The following CCT2 variants were observed in gnomAD, a reference collection of about 807,000 sequenced individuals.
CCT2 encodes T-complex protein 1 subunit beta.
Under a neutral mutation model 61.8 loss-of-function variants are expected in CCT2, and 18 were observed. The observed-to-expected ratio is 0.29, with a 90% confidence interval of 0.20 to 0.43. CCT2 has a LOEUF of 0.43. Among genes scored for constraint, CCT2 ranks in the 20% least tolerant of loss-of-function variants. CCT2 has a pLI of 1.00. For synonymous variants in CCT2, 248 were observed against 215.9 expected (o/e 1.15, Z -1.30); for missense variants, 556 against 656.9 (o/e 0.85, Z 1.68).
At position 69,589,510 on chromosome 12, in the gene CCT2, G is replaced by C; in HGVS notation, c.472G>C (p.Asp158His). The C allele has an allele frequency of 1.9e-6, 3 of 1,614,048 alleles. No individual in the cohort carries two copies. The highest frequency in any genetic ancestry group is 2.5e-6 in the Non-Finnish European group (3 of 1,179,944). Residue 158 changes from aspartate to histidine, a missense_variant, in exon 7 of 16, where the codon GAT (aspartate) becomes CAT (histidine). Asp to His is a moderately conservative substitution (Grantham distance 81). Transcript: ENST00000299300. ...HGSDEVKFRQ[D>H]LMNIAGTTLS... Reference sequence around the variant, plus strand: ...TTCCGATGAAGTTAAATTCCGTCAAGATTTAATGAATATTGCGGGCACAAC... The same window carrying C: ...TTCCGATGAAGTTAAATTCCGTCAACATTTAATGAATATTGCGGGCACAAC...
chr12:69,585,870 A>T (rs987535935), intron 1 of CCT2: 2 of 1,296,856 alleles, frequency 1.5e-6, no homozygotes, highest in African/African-American at 1.5e-5. Context: ...GGTCTGAGCC[A>T]TCAGAGGGTG....
chr12:69,589,281 T>C (rs200518305), intron 6 of CCT2: 5 of 482,938 alleles, frequency 1.0e-5, no homozygotes, highest in Non-Finnish European at 1.7e-5. Context: ...CCCCCACCCC[T>C]CTTTTTTTTT....
intron 3 of CCT2, 90 bp downstream of exon 3, chr12:69,586,908 T>TACG: frequency 1.3e-6 from 1 of 785,184 alleles, no homozygotes; most frequent in Non-Finnish European, 2.0e-6. Flanking sequence ...TGCTTTTTAA[T>TACG]CTTTAAAACG....
chr12:69,597,587 T>C, intron 11 of CCT2, 51 bp from the exon 12 acceptor site: 1 of 1,592,352 alleles, frequency 6.3e-7, no homozygotes, highest in East Asian at 2.2e-5. Context: ...GCATAAATAA[T>C]AGAAGGCAAA....
At chr12:69,585,597 T>A in intron 1 of CCT2, 73 bp downstream of exon 1, 2 of 1,551,836 alleles carry the variant, frequency 1.3e-6, no homozygotes, top group Non-Finnish European at 1.7e-6. Context: ...GCTTCCTCTG[T>A]CCTGCTAGGG....
At chr12:69,586,491 A>G in intron 2 of CCT2, 147 bp downstream of exon 2, 1 of 663,216 alleles carries the variant, frequency 1.5e-6, no homozygotes, top group Non-Finnish European at 2.6e-6. Context: ...AACATGGTAA[A>G]ACCCCGTTTC....
chr12:69,585,981 C>T (rs1244131800), intron 1 of CCT2: 4 of 1,318,342 alleles, frequency 3.0e-6, no homozygotes, highest in East Asian at 3.3e-5. Flanking sequence ...CTGCCTCATT[C>T]TTAGTTCAAG....
intron 6 of CCT2, 196 bp downstream of exon 6, chr12:69,588,458 A>G (rs909550186): frequency 4.1e-5 from 22 of 536,716 alleles, no homozygotes; most frequent in Non-Finnish European, 6.9e-5. Context: ...CTTTTTGTAT[A>G]TATCATCAAA....
At position 69,593,497 on chromosome 12, in the gene CCT2, A is replaced by G. The variant is rs1881898211; in HGVS notation, c.879-13A>G. On this transcript the variant is annotated splice_polypyrimidine_tract_variant and intron_variant, in intron 9 of 15. Coordinates refer to ENST00000299300, the MANE Select transcript of CCT2 (RefSeq NM_006431.3). ...AGTTGTGAGCATAATGTTTTCATGT[A>G]TTTTATTTACAGGCAATTAATTTAT... 2 of 1,539,868 alleles carry G rather than the reference A, an allele frequency of 1.3e-6. No homozygotes were observed. Among genetic ancestry groups the G allele is most frequent in the Non-Finnish European group, 1.8e-6 (2 of 1,116,498 alleles).
intron 9 of CCT2, 94 bp from the exon 10 acceptor site, chr12:69,593,416 T>C: frequency 1.2e-6 from 1 of 811,586 alleles, no homozygotes; most frequent in Non-Finnish European, 1.9e-6. Flanking sequence ...GCATTTCTTT[T>C]ACTTGTGGTA....
chr12:69,597,838 T>C (rs1431175001), intron 12 of CCT2, 72 bp downstream of exon 12: 18 of 1,477,854 alleles, frequency 1.2e-5, no homozygotes, highest in Admixed American at 1.2e-4. Context: ...GTGGTTTTAA[T>C]GGTTCTTACA....
At chr12:69,590,161 G>A (rs936304795) in intron 7 of CCT2, among the ~76,000 whole-genome samples, 1 of 152,162 alleles carries the variant, frequency 6.6e-6, no homozygotes, top group Non-Finnish European at 1.5e-5. Context: ...TTGCACATGT[G>A]CAACCGAACG....
At chr12:69,595,136 TA>T (rs1046692878) in intron 10 of CCT2, among the ~76,000 whole-genome samples, 44 of 152,240 alleles carry the variant, frequency 2.9e-4, no homozygotes, top group African/African-American at 1.0e-3. Context: ...CCATGAATAT[TA>T]GAAGAAATTA....
rs1881654285 is a variant in CCT2 at position 69,586,307 on chromosome 12, C to A, written c.41C>A (p.Ala14Glu). Residue 14 changes from alanine to glutamate, a missense_variant, in exon 2 of 16, where the codon GCA becomes GAA. Coordinates refer to ENST00000299300, the MANE Select transcript of CCT2 (RefSeq NM_006431.3). Reference protein sequence around the residue: ...LSLAPVNIFKAGADEERAETA... With the variant: ...LSLAPVNIFKEGADEERAETA... ...CTTGCACCTGTTAACATCTTTAAGG[C>A]AGGAGCTGATGAAGAGAGAGCAGAG... The A allele has an allele frequency of 1.2e-6, 2 of 1,613,490 alleles. No individual in the cohort carries two copies. Among genetic ancestry groups the A allele is most frequent in the South Asian group, 1.1e-5 (1 of 91,074 alleles).
intron 6 of CCT2, chr12:69,588,576 A>G (rs1881736718): frequency 9.0e-6 from 2 of 223,414 alleles, no homozygotes; most frequent in South Asian, 1.8e-4. Context: ...TCTGTGCAGT[A>G]TTTTAATAGA....
chr12:69,595,613 G>T (rs1881963555), intron 10 of CCT2, among the ~76,000 whole-genome samples: 1 of 151,608 alleles, frequency 6.6e-6, no homozygotes, highest in Non-Finnish European at 1.5e-5. Context: ...ACTTGAACCC[G>T]GGAGGTGGAG....
In CCT2 at chr12:69,597,770, A is replaced by C. The variant is rs1882033678; in HGVS notation, c.1231+4A>C. On this transcript the variant is annotated splice_donor_region_variant and intron_variant, in intron 12 of 15. Transcript: ENST00000299300. ...TCTAGAACAGTTTATGGAGGAGGTA[A>C]GCATTTAGAAAATGTTGAATATATT... 6.2e-7 allele frequency: 1 copy of C among 1,605,504 alleles called. No individual in the cohort carries two copies. Among genetic ancestry groups the C allele is most frequent in the African/African-American group, 1.3e-5 (1 of 74,542 alleles).
intron 1 of CCT2, 24 bp from the exon 2 acceptor site, chr12:69,586,246 A>G (rs761378029): frequency 1.0e-5 from 16 of 1,570,778 alleles, no homozygotes; most frequent in Non-Finnish European, 8.8e-6. Context: ...CTTAAACGGA[A>G]TGCCTCTTGG....
Position 69,586,051 on chromosome 12 carries a change from CG to C in CCT2, c.4-214del, listed in dbSNP as rs149925318. 5,326 of 1,381,920 alleles carry C rather than the reference CG, an allele frequency of 3.9e-3. 184 individuals are homozygous for C. In the African/African-American group the frequency reaches 0.069, roughly 18 times the overall value. 85.6% of individuals were successfully genotyped at this position (1,381,920 alleles called of 1,614,324 possible). A position where few individuals can be genotyped will look rare whatever the true frequency, so the allele number is the denominator to read the frequency against. On this transcript the variant is annotated intron_variant, in intron 1 of 15. Coordinates refer to ENST00000299300, the MANE Select transcript of CCT2 (RefSeq NM_006431.3). ...CTCGCTGGTGTATAATTTATACTCC[CG>C]GGGGCCTTGTAAATCCGAAAAGCCA...
Sources: allele counts gnomAD v4.1 joint callset (sites outside exome capture counted in the v4.1 genomes callset), GRCh38; gene constraint gnomAD v4.1.1; transcripts MANE v1.5; gene names NCBI Gene and HGNC (gene_info 2026-07-23, HGNC 2026-07-21).